MCC: variants seen among roughly 807,000 people sequenced by gnomAD.
MCC encodes the protein colorectal mutant cancer protein.
MCC carries 90 observed loss-of-function variants against 116.2 expected under a neutral mutation model. The observed-to-expected ratio is 0.77, with a 90% CI of 0.65 to 0.92. The LOEUF is 0.92. Ranked by LOEUF, MCC falls within the 40% of genes least tolerant of loss-of-function variation. The pLI is 0.00. For synonymous variants in MCC, 578 were observed against 510.5 expected, an observed-to-expected ratio of 1.13 and a Z score of -1.78; for missense variants, 1,516 against 1,312.2, an observed-to-expected ratio of 1.16 and a Z score of -2.40.
At chr5:113,471,055 G>T (rs932025557) in intron 1 of MCC, among the ~76,000 whole-genome samples, 2 of 152,082 alleles carry the variant, frequency 1.3e-5, no homozygotes, top group Admixed American at 1.3e-4. Context: ...ACTTCTCTGC[G>T]TTGGTTATTC....
At chr5:113,450,894 TA>T (rs1159854931) in intron 1 of MCC, among the ~76,000 whole-genome samples, 2 of 152,214 alleles carry the variant, frequency 1.3e-5, no homozygotes, top group African/African-American at 4.8e-5. Flanking sequence ...CATTTTATTA[TA>T]AAAATGTATT....
chr5:113,463,655 G>C (rs2150426755), intron 1 of MCC, among the ~76,000 whole-genome samples: 2 of 152,264 alleles, frequency 1.3e-5, no homozygotes, highest in Admixed American at 1.3e-4. Flanking sequence ...AGTTTAAAAT[G>C]CCTTACAAAT....
Position 113,093,990 on chromosome 5 carries a change from G to C in MCC, c.1398+7749C>G, listed in dbSNP as rs569513999. Among the ~76,000 whole-genome samples the C allele has an allele frequency of 5.3e-5, 8 of 152,288 alleles. No homozygotes were observed. The East Asian group carries it at 1.2e-3, about 22-fold the overall frequency. ...CACTATAGAATGGTGAGAATCACTA[G>C]GCTGGGAAAGTTCTACTTAATGAGC... On this transcript the variant is annotated intron_variant, in intron 8 of 18. Transcript: ENST00000408903.
At chr5:113,068,249 G>T (rs1753764710) in intron 12 of MCC, 66 bp from the exon 13 acceptor site, 2 of 1,284,970 alleles carry the variant, frequency 1.6e-6, no homozygotes, top group Non-Finnish European at 1.1e-6. Context: ...TGTGGCGCCG[G>T]TTTCTGTGCA....
chr5:113,197,808 A>T (rs1285035720), intron 3 of MCC, among the ~76,000 whole-genome samples: 4 of 152,234 alleles, frequency 2.6e-5, no homozygotes, highest in African/African-American at 9.6e-5. Flanking sequence ...GGGAACTGTG[A>T]AGCCAGGACT....
intron 1 of MCC, among the ~76,000 whole-genome samples, chr5:113,421,172 G>C (rs956357682): frequency 1.3e-5 from 2 of 151,802 alleles, no homozygotes; most frequent in African/African-American, 2.4e-5. Flanking sequence ...CTACAGGCAC[G>C]CGCCACCATG....
At chr5:113,122,883 A>G in intron 5 of MCC, 57 bp from the exon 6 acceptor site, 1 of 1,551,218 alleles carries the variant, frequency 6.4e-7, no homozygotes, top group Non-Finnish European at 8.9e-7. Flanking sequence ...AACCCCCTAG[A>G]GAATATGTCT....
chr5:113,122,923 G>C, intron 5 of MCC, 97 bp from the exon 6 acceptor site: 1 of 1,307,616 alleles, frequency 7.6e-7, no homozygotes, highest in Non-Finnish European at 1.1e-6. Flanking sequence ...CATTGAGAGA[G>C]AAAACAGATT....
chr5:113,238,910 C>G (rs903149731), intron 3 of MCC, among the ~76,000 whole-genome samples: 1 of 152,208 alleles, frequency 6.6e-6, no homozygotes, highest in East Asian at 1.9e-4. Context: ...TTCCAACTTA[C>G]TCTGCAACAT....
At chr5:113,158,853 G>A (rs150202119) in intron 3 of MCC, among the ~76,000 whole-genome samples, 4 of 152,100 alleles carry the variant, frequency 2.6e-5, no homozygotes, top group African/African-American at 7.2e-5. Flanking sequence ...TCCACTATGT[G>A]CATCACTGGC....
chr5:113,054,381 G>T (rs1014398741), intron 14 of MCC, among the ~76,000 whole-genome samples: 3 of 152,168 alleles, frequency 2.0e-5, no homozygotes, highest in African/African-American at 7.2e-5. Flanking sequence ...TGAGGACATA[G>T]GTTAAAAGAT....
chr5:113,460,871 T>C (rs1239333290), intron 1 of MCC, among the ~76,000 whole-genome samples: 2 of 152,242 alleles, frequency 1.3e-5, no homozygotes, highest in Non-Finnish European at 1.5e-5. Context: ...AAATTTGCAA[T>C]TTAACAATGT....
chr5:113,341,206 G>C (rs1044651674), intron 2 of MCC, among the ~76,000 whole-genome samples: 5 of 150,610 alleles, frequency 3.3e-5, no homozygotes, highest in African/African-American at 7.3e-5. Context: ...CTTCCTCTCT[G>C]TCTCTCTTTC....
chr5:113,041,298 C>A, intron 17 of MCC, among the ~76,000 whole-genome samples: 1 of 152,184 alleles, frequency 6.6e-6, no homozygotes, highest in Non-Finnish European at 1.5e-5. Flanking sequence ...TACCCTTCCC[C>A]TCCAACCCTA....
intron 1 of MCC, among the ~76,000 whole-genome samples, chr5:113,463,355 G>C (rs1197222658): frequency 6.6e-6 from 1 of 152,218 alleles, no homozygotes; most frequent in African/African-American, 2.4e-5. Context: ...GGCCAAAGGA[G>C]AGATGGGAAG....
intron 11 of MCC, among the ~76,000 whole-genome samples, chr5:113,080,815 C>T (rs79418504): frequency 1.8e-5 from 2 of 110,760 alleles, no homozygotes; most frequent in Non-Finnish European, 3.7e-5. Flanking sequence ...ACAACAACAA[C>T]AAAAAAAAAA....
At chr5:113,038,188 A>C (rs1040862812) in intron 17 of MCC, among the ~76,000 whole-genome samples, 1 of 152,322 alleles carries the variant, frequency 6.6e-6, no homozygotes, top group African/African-American at 2.4e-5. Flanking sequence ...ATAGGAATTC[A>C]TCAAAGGGCA....
intron 3 of MCC, among the ~76,000 whole-genome samples, chr5:113,256,613 T>TTTA (rs1561488950): frequency 8.8e-6 from 1 of 113,850 alleles, no homozygotes; most frequent in African/African-American, 5.5e-5. Flanking sequence ...GGTAGACAGC[T>TTTA]GTAGCATTTA....
chr5:113,222,349 A>G (rs1038035633), intron 3 of MCC, among the ~76,000 whole-genome samples: 1 of 152,198 alleles, frequency 6.6e-6, no homozygotes, highest in Non-Finnish European at 1.5e-5. Context: ...ATCCATGTTC[A>G]CAAAGATATT....
Sources: allele counts gnomAD v4.1 joint callset (sites outside exome capture counted in the v4.1 genomes callset), GRCh38; gene constraint gnomAD v4.1.1; transcripts MANE v1.5; gene names NCBI Gene and HGNC (gene_info 2026-07-23, HGNC 2026-07-21).